Variants in LRP1B observed in about 807,000 individuals in gnomAD.
The protein encoded by LRP1B is LDL receptor related protein 1B.
A neutral mutation model predicts 556.6 loss-of-function variants in LRP1B; 217 were observed. The ratio of observed to expected loss-of-function variants is 0.39; its 90% CI spans 0.35 to 0.44. The LOEUF is 0.44. Ranked by LOEUF, LRP1B falls within the 20% of genes least tolerant of loss-of-function variation. The pLI, the probability that LRP1B is intolerant of heterozygous loss-of-function variation, is 1.00. For synonymous variants in LRP1B, 2,047 were observed against 1,865.8 expected (o/e 1.10, Z -2.50); for missense variants, 5,053 against 5,620.8 (o/e 0.90, Z 3.23).
chr2:140,237,158 C>G (rs905268809), intron 89 of LRP1B, among the ~76,000 whole-genome samples: 2 of 150,856 alleles, frequency 1.3e-5, no homozygotes, highest in African/African-American at 2.4e-5. Flanking sequence ...TTGAACAACA[C>G]CTATTTTCCT....
intron 2 of LRP1B, among the ~76,000 whole-genome samples, chr2:141,511,070 A>T (rs2105152255): frequency 6.6e-6 from 1 of 152,218 alleles, no homozygotes; most frequent in South Asian, 2.1e-4. Context: ...CTTTAAACTC[A>T]GTTTCTTGAC....
chr2:140,932,809 T>C (rs533545422), intron 20 of LRP1B, among the ~76,000 whole-genome samples: 11 of 150,664 alleles, frequency 7.3e-5, no homozygotes, highest in African/African-American at 2.7e-4. Flanking sequence ...AGTTCAGTTT[T>C]AGGTTTCAGT....
intron 43 of LRP1B, among the ~76,000 whole-genome samples, chr2:140,562,887 A>C (rs1279972954): frequency 6.6e-6 from 1 of 152,132 alleles, no homozygotes; most frequent in Non-Finnish European, 1.5e-5. Flanking sequence ...AAGTGCTAGG[A>C]TTACAAGCAT....
intron 3 of LRP1B, among the ~76,000 whole-genome samples, chr2:141,378,424 A>G (rs898072824): frequency 1.3e-5 from 2 of 152,208 alleles, no homozygotes; most frequent in African/African-American, 4.8e-5. Flanking sequence ...CTATAATTAA[A>G]GAGCACATGG....
intron 68 of LRP1B, among the ~76,000 whole-genome samples, chr2:140,376,410 C>T (rs1047671800): frequency 2.6e-5 from 4 of 152,064 alleles, no homozygotes; most frequent in East Asian, 1.9e-4. Context: ...ATTGGTTCAA[C>T]GTATTAAATA....
intron 2 of LRP1B, among the ~76,000 whole-genome samples, chr2:141,682,342 T>C (rs569845654): frequency 2.9e-5 from 4 of 139,994 alleles, no homozygotes; most frequent in African/African-American, 7.5e-5. Context: ...TATAAGTAGA[T>C]GGCAAAAAAA....
chr2:140,414,716 C>T lies in LRP1B; in HGVS notation c.10414+27788G>A, dbSNP rs138439370. On this transcript the variant is annotated intron_variant, in intron 66 of 90. Transcript: ENST00000389484. ...TTTGTAAGGTGAGGAGGTACGTCACCTCAGGACCACTGTGATAATTGTGTT... is the reference window on the plus strand; with the variant it reads ...TTTGTAAGGTGAGGAGGTACGTCACTTCAGGACCACTGTGATAATTGTGTT... Among the ~76,000 whole-genome samples, 526 of 152,238 alleles carry T rather than the reference C, an allele frequency of 3.5e-3. 4 individuals carry two copies. Among genetic ancestry groups the T allele is most frequent in the African/African-American group, 0.012 (509 of 41,520 alleles).
chr2:141,813,149 C>A (rs150668006), intron 1 of LRP1B, among the ~76,000 whole-genome samples: 1 of 151,786 alleles, frequency 6.6e-6, no homozygotes, highest in African/African-American at 2.4e-5. Flanking sequence ...ACTAGGGATA[C>A]GATAATGAAA....
intron 90 of LRP1B, 199 bp downstream of exon 90, chr2:140,234,587 G>T (rs1680613060): frequency 4.6e-6 from 2 of 438,956 alleles, no homozygotes; most frequent in South Asian, 9.5e-5. Context: ...CTACTTAATG[G>T]CTTGCCTAAA....
At position 140,534,099 on chromosome 2, in the gene LRP1B, G is replaced by A. The variant is rs151047433; in HGVS notation, c.7684C>T (p.Arg2562Cys). The change falls in exon 47 of 91, where the codon CGC (arginine) becomes TGC (cysteine). Residue 2562 changes from arginine (R) to cysteine (C), a missense_variant. Around this residue, in one of 5 missense-constraint regions of LRP1B, gnomAD observed 3,619 missense variants for 3,931.9 expected, o/e 0.92. Coordinates refer to ENST00000389484, the MANE Select transcript of LRP1B (RefSeq NM_018557.3). ...AACTTGCCATGAGGAATGCAGCGGC[G>A]ATTATAGCATGGCTTGAAGCCTCTT... ...CRRGFKPCYNRRCIPHGKLCD... is the reference protein window; with the variant it reads ...CRRGFKPCYNCRCIPHGKLCD... 8 of 1,613,286 alleles carry A rather than the reference G, an allele frequency of 5.0e-6. No individual in the cohort carries two copies. Among genetic ancestry groups the A allele is most frequent in the Non-Finnish European group, 6.8e-6 (8 of 1,179,438 alleles).
At chr2:141,171,267 T>G (rs114299420) in intron 7 of LRP1B, among the ~76,000 whole-genome samples, 1 of 152,102 alleles carries the variant, frequency 6.6e-6, no homozygotes. Context: ...GCATAGGACA[T>G]GTACACATCA....
At chr2:141,395,776 A>G (rs973934108) in intron 3 of LRP1B, among the ~76,000 whole-genome samples, 4 of 152,208 alleles carry the variant, frequency 2.6e-5, no homozygotes, top group African/African-American at 4.8e-5. Context: ...AAGATACTGC[A>G]TTCAAGAAGC....
chr2:141,952,405 A>G (rs936628164), intron 1 of LRP1B, among the ~76,000 whole-genome samples: 2 of 152,170 alleles, frequency 1.3e-5, no homozygotes, highest in Non-Finnish European at 2.9e-5. Flanking sequence ...CTTTAAACAA[A>G]TATGGCACAT....
In LRP1B at chr2:140,960,274, A is replaced by G. The variant is rs574232160; in HGVS notation, c.2888-8334T>C. Among the ~76,000 whole-genome samples the G allele has an allele frequency of 1.5e-3, 231 of 151,980 alleles. 3 individuals are homozygous for G. The highest frequency in any genetic ancestry group is 5.4e-3 in the African/African-American group (223 of 41,562). On this transcript the variant is annotated intron_variant, in intron 18 of 90. Coordinates refer to ENST00000389484, the MANE Select transcript of LRP1B (RefSeq NM_018557.3). ...AACTTTGATAATACCCAAAATAGAC[A>G]GCTTTGGTTATTACATCAATACTGG...
chr2:140,461,464 C>T (rs1167143709), intron 60 of LRP1B, among the ~76,000 whole-genome samples: 1 of 152,068 alleles, frequency 6.6e-6, no homozygotes, highest in Non-Finnish European at 1.5e-5. Flanking sequence ...CTTTATCTCC[C>T]CATATTTACT....
In LRP1B at chr2:140,483,645, T is replaced by A. The variant is rs867243016; in HGVS notation, c.9425+1698A>T. Among the ~76,000 whole-genome samples the A allele has an allele frequency of 8.5e-3, 967 of 113,438 alleles. 1 individual carries two copies. Among genetic ancestry groups the A allele is most frequent in the South Asian group, 0.016 (49 of 3,138 alleles). The allele number at this position is 113,438 out of a possible 152,430, so 74.4% of individuals were successfully genotyped here. A position where few individuals can be genotyped will look rare whatever the true frequency, so the allele number is the denominator to read the frequency against. On this transcript the variant is annotated intron_variant, in intron 59 of 90. Coordinates refer to ENST00000389484, the MANE Select transcript of LRP1B (RefSeq NM_018557.3). The stretch of plus-strand genomic sequence containing the variant: ...ATATATATATATATATATATATTTT[T>A]TTTTTTTTTTTTTGAGACACTGTCT...
chr2:141,029,036 A>T (rs1452354451), intron 11 of LRP1B, among the ~76,000 whole-genome samples: 1 of 152,132 alleles, frequency 6.6e-6, no homozygotes, highest in Non-Finnish European at 1.5e-5. Flanking sequence ...AAAGACGTCT[A>T]GGACTTACAG....
intron 36 of LRP1B, 151 bp downstream of exon 36, chr2:140,716,531 G>C (rs1687215884): frequency 1.5e-6 from 1 of 681,284 alleles, no homozygotes; most frequent in Non-Finnish European, 2.3e-6. Flanking sequence ...ATTAGAAGGA[G>C]CGAAGCCAAA....
chr2:141,422,051 G>T (rs1463641420), intron 3 of LRP1B, among the ~76,000 whole-genome samples: 1 of 152,136 alleles, frequency 6.6e-6, no homozygotes, highest in Non-Finnish European at 1.5e-5. Flanking sequence ...AGATGGTCAG[G>T]AAACAGTTTT....
Sources: allele counts gnomAD v4.1 joint callset (sites outside exome capture counted in the v4.1 genomes callset), GRCh38; gene constraint gnomAD v4.1.1; regional missense constraint gnomAD v4.1.1; transcripts MANE v1.5; gene names NCBI Gene and HGNC (gene_info 2026-07-23, HGNC 2026-07-21).